The following SNX4 variants were observed in gnomAD, a reference collection of about 807,000 sequenced individuals.
SNX4 encodes the protein sorting nexin-4.
Under a neutral mutation model 70.8 loss-of-function variants are expected in SNX4, and 49 were observed. That is an observed-to-expected ratio of 0.69 (90% CI 0.55 to 0.88). The LOEUF (loss-of-function observed/expected upper bound fraction) is 0.88. Among genes scored for constraint, SNX4 ranks in the 40% least tolerant of loss-of-function variants. SNX4 has a pLI of 0.00. For synonymous variants in SNX4, 206 were observed against 183.8 expected (o/e 1.12, Z -0.98); for missense variants, 528 against 544.8 (o/e 0.97, Z 0.31).
In SNX4 at chr3:125,490,505, CA is replaced by C. The variant is rs1194725094; in HGVS notation, c.598-1043del. ...TGCCACGGCACTCCAGCCTGGGCGACAGAGTGAGACTCTGTCTCCAAAAAAA... is the reference window on the plus strand; with the variant it reads ...TGCCACGGCACTCCAGCCTGGGCGACGAGTGAGACTCTGTCTCCAAAAAAA... On this transcript the variant is annotated intron_variant, in intron 5 of 13. Transcript: ENST00000251775. Among the ~76,000 whole-genome samples, 13 of 115,090 alleles carry C rather than the reference CA, an allele frequency of 1.1e-4. No individual in the cohort carries two copies. The South Asian group carries it at 3.3e-3, about 29-fold the overall frequency. The allele number at this position is 115,090 out of a possible 152,430, so 75.5% of individuals were successfully genotyped here.
At position 125,495,275 on chromosome 3, in the gene SNX4, T is replaced by TATATATATATATATATATATATATAC; in HGVS notation, c.597+2065_597+2066insGTATATATATATATATATATATATAT. On this transcript the variant is annotated intron_variant, in intron 5 of 13. Transcript: ENST00000251775. The stretch of plus-strand genomic sequence containing the variant: ...TTATATATATATATATATATATATA[T>TATATATATATATATATATATATATAC]ATACACATACACACACACACACGTA... Among the ~76,000 whole-genome samples the TATATATATATATATATATATATATAC allele has an allele frequency of 1.0e-3, 87 of 83,000 alleles. 4 individuals carry two copies. The highest frequency in any genetic ancestry group is 2.9e-3 in the African/African-American group (81 of 27,532). The allele number at this position is 83,000 out of a possible 152,430, so 54.5% of individuals were successfully genotyped here.
chr3:125,447,868 G>A, intron 13 of SNX4, 42 bp from the exon 14 acceptor site: 1 of 1,390,792 alleles, frequency 7.2e-7, no homozygotes, highest in Non-Finnish European at 9.9e-7. Context: ...AGTTTGGAAG[G>A]AATCTGAAAA....
intron 1 of SNX4, among the ~76,000 whole-genome samples, chr3:125,518,968 G>A (rs1458812659): frequency 6.6e-6 from 1 of 152,062 alleles, no homozygotes; most frequent in Non-Finnish European, 1.5e-5. Flanking sequence ...AGCCGAGATC[G>A]TGCCACTGCA....
intron 9 of SNX4, among the ~76,000 whole-genome samples, chr3:125,462,313 G>A (rs1010422720): frequency 3.3e-5 from 5 of 152,058 alleles, no homozygotes; most frequent in Admixed American, 2.6e-4. Flanking sequence ...CTAGTGACAA[G>A]AGAAAACTCG....
intron 10 of SNX4, among the ~76,000 whole-genome samples, chr3:125,460,097 G>A (rs1031715951): frequency 6.6e-6 from 1 of 151,640 alleles, no homozygotes; most frequent in Non-Finnish European, 1.5e-5. Flanking sequence ...AGGAGGCTGA[G>A]GCAGGAGAAT....
chr3:125,509,632 T>TA (rs1392775719), intron 1 of SNX4, among the ~76,000 whole-genome samples: 1 of 150,940 alleles, frequency 6.6e-6, no homozygotes, highest in Non-Finnish European at 1.5e-5. Flanking sequence ...GAGTTGCCTA[T>TA]ATTCCAGCTA....
chr3:125,505,453 T>A (rs537544306), intron 1 of SNX4, among the ~76,000 whole-genome samples: 94 of 152,252 alleles, frequency 6.2e-4, no homozygotes, highest in Non-Finnish European at 8.2e-4. Context: ...GGCTTGCAAC[T>A]CCCAGGGGAA....
intron 5 of SNX4, among the ~76,000 whole-genome samples, chr3:125,490,524 CA>C (rs1173858739): frequency 0.04 from 1,940 of 48,902 alleles, 15 homozygotes; most frequent in African/African-American, 0.13. Context: ...ACTCTGTCTC[CA>C]AAAAAAAAAA....
At chr3:125,486,035 T>C (rs980785290) in intron 6 of SNX4, among the ~76,000 whole-genome samples, 1 of 152,140 alleles carries the variant, frequency 6.6e-6, no homozygotes, top group Non-Finnish European at 1.5e-5. Context: ...GAGACGGGAT[T>C]TCACCATGTT....
rs113909162 is a variant in SNX4, at chr3:125,461,019, A to C, written c.855-159T>G. 7.0e-3 allele frequency among the ~76,000 whole-genome samples: 1,063 copies of C among 152,326 alleles called. 7 individuals are homozygous for C. Among genetic ancestry groups the C allele is most frequent in the African/African-American group, 0.021 (858 of 41,580 alleles). Reference sequence around the variant, plus strand: ...GAAGGGCAGATCACTTGAGGTCAGGAGTTCGAGACCAGCCTGGCCAACGTG... The same window carrying C: ...GAAGGGCAGATCACTTGAGGTCAGGCGTTCGAGACCAGCCTGGCCAACGTG... On this transcript the variant is annotated intron_variant, in intron 9 of 13. Coordinates refer to ENST00000251775, the MANE Select transcript of SNX4 (RefSeq NM_003794.4).
Position 125,447,437 on chromosome 3 carries a change from A to G in SNX4, c.*342T>C, listed in dbSNP as rs929349198. On this transcript the variant is annotated 3_prime_UTR_variant, in exon 14 of 14. Coordinates refer to ENST00000251775, the MANE Select transcript of SNX4 (RefSeq NM_003794.4). ...AGGGAAAAATTCCCTACATTAATAG[A>G]TCTGAAACAGCTGGTCTTGAAACAA... The G allele has an allele frequency of 1.6e-5, 3 of 184,972 alleles. No homozygotes were observed. Among genetic ancestry groups the G allele is most frequent in the Non-Finnish European group, 3.3e-5 (3 of 90,528 alleles). 11.5% of individuals were successfully genotyped at this position (184,972 alleles called of 1,614,324 possible).
intron 5 of SNX4, among the ~76,000 whole-genome samples, chr3:125,494,859 G>C (rs1202645403): frequency 6.6e-6 from 1 of 152,098 alleles, no homozygotes; most frequent in Non-Finnish European, 1.5e-5. Context: ...TTACAGGTGG[G>C]TAGGGATTTT....
chr3:125,500,143 A>G (rs115362735), intron 2 of SNX4, among the ~76,000 whole-genome samples: 2,159 of 152,244 alleles, frequency 0.014, 57 homozygotes, highest in African/African-American at 0.049. Context: ...AAAAGCACAG[A>G]GAAGACTTTC....
intron 1 of SNX4, among the ~76,000 whole-genome samples, chr3:125,507,071 G>A (rs184095481): frequency 4.0e-5 from 6 of 150,662 alleles, no homozygotes; most frequent in East Asian, 1.9e-4. Flanking sequence ...GTGTGGTGGC[G>A]GGCGCTTGTA....
intron 9 of SNX4, among the ~76,000 whole-genome samples, chr3:125,466,589 G>A (rs1268187860): frequency 6.6e-6 from 1 of 152,196 alleles, no homozygotes; most frequent in East Asian, 1.9e-4. Flanking sequence ...GAATCTATAA[G>A]GAACTTAAAC....
intron 9 of SNX4, among the ~76,000 whole-genome samples, chr3:125,465,600 T>C (rs1156782943): frequency 1.3e-5 from 2 of 152,044 alleles, no homozygotes; most frequent in African/African-American, 4.8e-5. Context: ...TCAAGATTGT[T>C]GTAGCTATTC....
intron 8 of SNX4, among the ~76,000 whole-genome samples, chr3:125,475,107 T>G (rs1458167546): frequency 6.6e-6 from 1 of 152,194 alleles, no homozygotes; most frequent in Non-Finnish European, 1.5e-5. Context: ...TTTACATTTT[T>G]ATAATATCAA....
intron 10 of SNX4, among the ~76,000 whole-genome samples, chr3:125,460,191 T>C (rs1450079220): frequency 1.5e-5 from 2 of 135,544 alleles, no homozygotes; most frequent in Admixed American, 7.6e-5. Context: ...CAAACTCTAG[T>C]CTGTCTCAAA....
At chr3:125,468,851 TAAAA>T (rs58480078) in intron 9 of SNX4, among the ~76,000 whole-genome samples, 4 of 134,032 alleles carry the variant, frequency 3.0e-5, no homozygotes, top group African/African-American at 2.8e-5. Context: ...CTAGTCTCTT[TAAAA>T]AAAAAAAAAA....
Sources: gnomAD v4.1 joint callset for allele counts (sites outside exome capture counted in the v4.1 genomes callset) on GRCh38, gnomAD v4.1.1 for gene constraint, MANE v1.5 for transcripts, NCBI Gene and HGNC (gene_info 2026-07-23, HGNC 2026-07-21) for gene names.